The following ATP13A5 variants were observed in gnomAD, a reference collection of about 807,000 sequenced individuals.
ATP13A5 encodes ATPase 13A5.
In ATP13A5, 149 loss-of-function variants were observed where a neutral mutation model predicts 150.2. The ratio of observed to expected loss-of-function variants is 0.99; its 90% CI spans 0.87 to 1.14. The LOEUF (loss-of-function observed/expected upper bound fraction) is 1.14. Ranked by LOEUF, ATP13A5 falls within the 50% of genes most tolerant of loss-of-function variation. The pLI is 0.00. For synonymous variants in ATP13A5, 497 were observed against 522.2 expected (o/e 0.95, Z 0.66); for missense variants, 1,383 against 1,449.3 (o/e 0.95, Z 0.74).
intron 3 of ATP13A5, 101 bp downstream of exon 3, chr3:193,363,135 C>T (rs778254651): frequency 3.7e-6 from 5 of 1,363,012 alleles, no homozygotes; most frequent in Admixed American, 2.1e-5. Context: ...AGCTGTCATT[C>T]CCATTCCAAA....
At chr3:193,361,658 G>A (rs1366586043) in intron 5 of ATP13A5, among the ~76,000 whole-genome samples, 2 of 152,092 alleles carry the variant, frequency 1.3e-5, no homozygotes, top group Non-Finnish European at 2.9e-5. Context: ...AATAATAGCT[G>A]AAGAAAGCAG....
At chr3:193,340,060 G>A (rs1194038411) in intron 9 of ATP13A5, among the ~76,000 whole-genome samples, 1 of 152,190 alleles carries the variant, frequency 6.6e-6, no homozygotes, top group African/African-American at 2.4e-5. Context: ...AAGAAAGGAT[G>A]ATTCATCTAC....
chr3:193,336,342 A>C (rs937665962), intron 9 of ATP13A5, among the ~76,000 whole-genome samples: 2 of 152,026 alleles, frequency 1.3e-5, no homozygotes, highest in Admixed American at 6.6e-5. Context: ...CACCCATTAA[A>C]TCATAATTTA....
At chr3:193,313,887 A>G in intron 19 of ATP13A5, 146 bp downstream of exon 19, 2 of 933,442 alleles carry the variant, frequency 2.1e-6, no homozygotes, top group South Asian at 4.0e-5. Flanking sequence ...CAGAGCTGGC[A>G]GAAATGCTTT....
At chr3:193,335,632 T>C (rs759508836) in intron 9 of ATP13A5, among the ~76,000 whole-genome samples, 2 of 152,136 alleles carry the variant, frequency 1.3e-5, no homozygotes, top group Non-Finnish European at 2.9e-5. Flanking sequence ...GAGAAAATAG[T>C]AGTTATTCCA....
At chr3:193,353,741 C>G (rs1712660698) in intron 6 of ATP13A5, among the ~76,000 whole-genome samples, 1 of 152,198 alleles carries the variant, frequency 6.6e-6, no homozygotes, top group Non-Finnish European at 1.5e-5. Flanking sequence ...TCACCGGGAA[C>G]TGAATATGCA....
At chr3:193,345,313 C>T (rs962071564) in intron 7 of ATP13A5, among the ~76,000 whole-genome samples, 1 of 152,056 alleles carries the variant, frequency 6.6e-6, no homozygotes, top group Non-Finnish European at 1.5e-5. Context: ...AAAAATAATG[C>T]ACAGTCACTG....
At chr3:193,325,111 C>T (rs1302001218) in intron 13 of ATP13A5, 97 bp from the exon 14 acceptor site, 1 of 1,254,452 alleles carries the variant, frequency 8.0e-7, no homozygotes, top group Non-Finnish European at 1.1e-6. Flanking sequence ...ACCTAACGTT[C>T]ATGCTCAGAA....
chr3:193,335,834 T>C (rs1474684039), intron 9 of ATP13A5, among the ~76,000 whole-genome samples: 1 of 152,194 alleles, frequency 6.6e-6, no homozygotes, highest in Non-Finnish European at 1.5e-5. Context: ...CTAGGCCACT[T>C]GCATTTCCTT....
chr3:193,291,189 C>T (rs1006807386), intron 25 of ATP13A5, among the ~76,000 whole-genome samples: 2 of 141,500 alleles, frequency 1.4e-5, no homozygotes, highest in African/African-American at 2.5e-5. Flanking sequence ...AAATGGTACC[C>T]AAAGGCCCTT....
At chr3:193,317,370 A>G (rs569095951) in intron 17 of ATP13A5, among the ~76,000 whole-genome samples, 10 of 152,234 alleles carry the variant, frequency 6.6e-5, no homozygotes, top group East Asian at 3.9e-4. Context: ...TTTCTAATCT[A>G]TTTCCCCAAC....
At chr3:193,347,680 T>C (rs1712400144) in intron 7 of ATP13A5, among the ~76,000 whole-genome samples, 1 of 152,188 alleles carries the variant, frequency 6.6e-6, no homozygotes, top group Non-Finnish European at 1.5e-5. Flanking sequence ...ATTGGTTTAT[T>C]AGACTTAGCA....
Position 193,275,319 on chromosome 3 carries a change from G to T in ATP13A5, c.3397-17C>A. Reference sequence around the variant, plus strand: ...GATGGAATCCTGAAAAATCAGATGGGAAAACAATCAATTTATTGCGCAGGT... The same window carrying T: ...GATGGAATCCTGAAAAATCAGATGGTAAAACAATCAATTTATTGCGCAGGT... On this transcript the variant is annotated splice_polypyrimidine_tract_variant and intron_variant, in intron 29 of 29. Coordinates refer to ENST00000342358, the MANE Select transcript of ATP13A5 (RefSeq NM_198505.4). 6.2e-7 allele frequency: 1 copy of T among 1,610,192 alleles called. No homozygotes were observed.
chr3:193,291,266 C>T (rs62287607), intron 25 of ATP13A5, among the ~76,000 whole-genome samples: 36 of 152,004 alleles, frequency 2.4e-4, no homozygotes, highest in Admixed American at 5.2e-4. Flanking sequence ...AATGTTTTCC[C>T]GGCAGGGTGC....
At chr3:193,318,704 A>G (rs1054294852) in intron 17 of ATP13A5, among the ~76,000 whole-genome samples, 1 of 152,190 alleles carries the variant, frequency 6.6e-6, no homozygotes, top group Non-Finnish European at 1.5e-5. Context: ...GAGAGCTGCG[A>G]CTAAAGTTGA....
chr3:193,286,513 A>G (rs1013842812), intron 26 of ATP13A5, among the ~76,000 whole-genome samples: 2 of 151,998 alleles, frequency 1.3e-5, no homozygotes, highest in African/African-American at 4.8e-5. Flanking sequence ...TACTACCTCT[A>G]TTATTGTGAT....
At chr3:193,281,187 T>C (rs1302803661) in intron 27 of ATP13A5, 2 of 985,260 alleles carry the variant, frequency 2.0e-6, no homozygotes, top group African/African-American at 3.5e-5. Context: ...TTCATTTACT[T>C]CATGGATTTG....
intron 7 of ATP13A5, among the ~76,000 whole-genome samples, chr3:193,346,373 G>A (rs1712337131): frequency 6.6e-6 from 1 of 152,116 alleles, no homozygotes; most frequent in South Asian, 2.1e-4. Context: ...GGATAACACA[G>A]GGGACAGAAA....
chr3:193,364,046 A>G (rs1713143882), intron 2 of ATP13A5, 61 bp downstream of exon 2: 2 of 1,536,272 alleles, frequency 1.3e-6, no homozygotes, highest in South Asian at 2.3e-5. Context: ...GAGTTATGCC[A>G]CAGAGGCAAT....
Sources: allele counts gnomAD v4.1 joint callset (sites outside exome capture counted in the v4.1 genomes callset), GRCh38; gene constraint gnomAD v4.1.1; transcripts MANE v1.5; gene names NCBI Gene and HGNC (gene_info 2026-07-23, HGNC 2026-07-21).